Variants in GPC6 observed in about 807,000 individuals in gnomAD.
GPC6 encodes the protein glypican-6.
GPC6 carries 14 observed loss-of-function variants against 55.2 expected under a neutral mutation model. The observed-to-expected ratio is 0.25, with a 90% CI of 0.17 to 0.40. The LOEUF (loss-of-function observed/expected upper bound fraction) is 0.40, where lower values mean the gene tolerates loss of function less well. Ranked by LOEUF, GPC6 falls within the 10% of genes least tolerant of loss-of-function variation. The probability of loss-of-function intolerance (pLI) is 1.00; values close to 1 mark genes in which losing one functional copy is unlikely to be tolerated. For synonymous variants in GPC6, 278 were observed against 259.6 expected, an observed-to-expected ratio of 1.07 and a Z score of -0.68; for missense variants, 641 against 708.5, an observed-to-expected ratio of 0.90 and a Z score of 1.08.
At chr13:94,360,179 A>T (rs532247474) in intron 6 of GPC6, among the ~76,000 whole-genome samples, 1 of 152,360 alleles carries the variant, frequency 6.6e-6, no homozygotes, top group East Asian at 1.9e-4. Flanking sequence ...TTTTAAAGCC[A>T]GGAGGAGTTT....
rs539956956 is a variant in GPC6 at position 93,805,911 on chromosome 13, A to G, written c.320-24243A>G. On this transcript the variant is annotated intron_variant, in intron 2 of 8. Transcript: ENST00000377047. ...AGCTTCTTAGAAAATAAATGAGGCT[A>G]TAAGTCCTCATTTAGCCCTTCTTAG... is the stretch of plus-strand genomic sequence containing the variant. Among the ~76,000 whole-genome samples the G allele has an allele frequency of 2.9e-3, 441 of 152,266 alleles. 1 individual carries two copies. The highest frequency in any genetic ancestry group is 9.6e-3 in the African/African-American group (399 of 41,552).
intron 1 of GPC6, among the ~76,000 whole-genome samples, chr13:93,367,305 A>C (rs1881286370): frequency 6.6e-6 from 1 of 152,042 alleles, no homozygotes. Context: ...GAATATCCCT[A>C]GTTTCATTTT....
chr13:94,139,692 T>C (rs151326705), intron 4 of GPC6, among the ~76,000 whole-genome samples: 112 of 152,336 alleles, frequency 7.4e-4, no homozygotes, highest in African/African-American at 2.5e-3. Flanking sequence ...TTCTGGCTGC[T>C]GCTTTTGCTC....
At chr13:93,987,463 A>C (rs1417133040) in intron 3 of GPC6, among the ~76,000 whole-genome samples, 3 of 152,246 alleles carry the variant, frequency 2.0e-5, no homozygotes, top group Non-Finnish European at 4.4e-5. Context: ...ATGTTATTTA[A>C]CACATCCAGT....
intron 2 of GPC6, among the ~76,000 whole-genome samples, chr13:93,554,124 G>A (rs1314714208): frequency 2.0e-5 from 3 of 150,142 alleles, no homozygotes; most frequent in African/African-American, 7.4e-5. Context: ...CTCCAGCCTG[G>A]GCAACAGAGT....
At position 93,874,247 on chromosome 13, in the gene GPC6, T is replaced by C. The variant is rs1281013662; in HGVS notation, c.711+43702T>C. 2.0e-5 allele frequency among the ~76,000 whole-genome samples: 3 copies of C among 151,832 alleles called. No individual in the cohort carries two copies. The East Asian group carries it at 5.9e-4, about 30-fold the overall frequency. ...GCAGGTTCCATCATTGTTCCTTCTT[T>C]GTGTTCATGTGTTTTATCATTTAGC... On this transcript the variant is annotated intron_variant, in intron 3 of 8. Transcript: ENST00000377047.
intron 2 of GPC6, among the ~76,000 whole-genome samples, chr13:93,578,696 T>C (rs544664745): frequency 3.3e-5 from 5 of 151,966 alleles, no homozygotes; most frequent in African/African-American, 9.6e-5. Flanking sequence ...TCTGCTCTGA[T>C]CTTTATTACT....
intron 4 of GPC6, among the ~76,000 whole-genome samples, chr13:94,033,920 A>C (rs938102892): frequency 6.6e-6 from 1 of 152,210 alleles, no homozygotes; most frequent in African/African-American, 2.4e-5. Context: ...ATTGAGGAAC[A>C]AAAGCCAAAG....
rs1023384170 is a variant in GPC6 at position 93,645,972 on chromosome 13, G to A, written c.319+100551G>A. Among the ~76,000 whole-genome samples the A allele has an allele frequency of 4.6e-5, 7 of 152,192 alleles. No individual in the cohort carries two copies. In the South Asian group the frequency reaches 1.2e-3, roughly 27 times the overall value. On this transcript the variant is annotated intron_variant, in intron 2 of 8. Transcript: ENST00000377047. ...CACAGTTACCAAAGAAAAGGCGCTCGACAGTACTGGGGAAATTATTTCTGT... is the reference window on the plus strand; with the variant it reads ...CACAGTTACCAAAGAAAAGGCGCTCAACAGTACTGGGGAAATTATTTCTGT...
Position 93,830,440 on chromosome 13 carries a change from C to A in GPC6, c.606C>A (p.Asp202Glu). 2 of 1,613,732 alleles carry A rather than the reference C, an allele frequency of 1.2e-6. No individual in the cohort carries two copies. The highest frequency in any genetic ancestry group is 2.7e-5 in the African/African-American group (2 of 74,946). Residue 202 changes from aspartate to glutamate, a missense_variant, in exon 3 of 9, where the codon GAC (aspartate) becomes GAA (glutamate). By Grantham distance (45) the Asp-to-Glu change is conservative (BLOSUM62 2). Transcript: ENST00000377047. The part of the protein sequence containing the change: ...KYTDQLKPFG[D>E]VPRKLKIQVT... The stretch of plus-strand genomic sequence containing the variant: ...CTGACCAGCTCAAGCCATTTGGAGA[C>A]GTGCCCCGGAAACTGAAGATTCAGG...
intron 1 of GPC6, among the ~76,000 whole-genome samples, chr13:93,543,066 A>C (rs1188111398): frequency 6.6e-6 from 1 of 152,140 alleles, no homozygotes; most frequent in East Asian, 1.9e-4. Context: ...ACTATGTTGA[A>C]TAGGAGTGTG....
At chr13:93,331,947 T>A (rs1216989398) in intron 1 of GPC6, among the ~76,000 whole-genome samples, 1 of 152,168 alleles carries the variant, frequency 6.6e-6, no homozygotes, top group Non-Finnish European at 1.5e-5. Context: ...CATATATAAG[T>A]GATAACATGC....
chr13:93,854,673 G>A (rs1260746541), intron 3 of GPC6, among the ~76,000 whole-genome samples: 1 of 151,762 alleles, frequency 6.6e-6, no homozygotes, highest in East Asian at 1.9e-4. Flanking sequence ...TGACTACAGA[G>A]TATTCTTATC....
At chr13:94,351,962 C>CAAAAAAAAAAAAAAAAAAAAGA (rs1878565615) in intron 6 of GPC6, among the ~76,000 whole-genome samples, 1 of 101,550 alleles carries the variant, frequency 9.8e-6, no homozygotes, top group Non-Finnish European at 1.9e-5. Flanking sequence ...GAGAAGAAGG[C>CAAAAAAAAAAAAAAAAAAAAGA]AAAAAAAAAA....
chr13:94,386,252 C>G (rs922838964), intron 7 of GPC6, among the ~76,000 whole-genome samples: 1 of 151,442 alleles, frequency 6.6e-6, no homozygotes, highest in Non-Finnish European at 1.5e-5. Flanking sequence ...CCCAGCTACT[C>G]GGGAGGCTGA....
chr13:93,219,942 T>C, the GPC6 span, among the ~76,000 whole-genome samples: 1 of 152,214 alleles, frequency 6.6e-6, no homozygotes. Context: ...TTCTGCTCCT[T>C]CTGAGCAAGT....
chr13:93,375,015 A>G (rs1874826715), intron 1 of GPC6, among the ~76,000 whole-genome samples: 1 of 152,190 alleles, frequency 6.6e-6, no homozygotes, highest in South Asian at 2.1e-4. Context: ...GTCATTGATA[A>G]GCAGTCAGTT....
intron 2 of GPC6, among the ~76,000 whole-genome samples, chr13:93,785,074 T>C (rs1885779886): frequency 6.6e-6 from 1 of 152,146 alleles, no homozygotes; most frequent in Non-Finnish European, 1.5e-5. Context: ...ACTAAGTCCC[T>C]TAACTAACAA....
At chr13:94,399,382 C>A (rs1004845929) in intron 8 of GPC6, among the ~76,000 whole-genome samples, 2 of 152,210 alleles carry the variant, frequency 1.3e-5, no homozygotes, top group Admixed American at 6.5e-5. Context: ...TGAACATTGA[C>A]ATGAAACTAT....
Sources: gnomAD v4.1 joint callset for allele counts (sites outside exome capture counted in the v4.1 genomes callset) on GRCh38, gnomAD v4.1.1 for gene constraint, MANE v1.5 for transcripts, NCBI Gene and HGNC (gene_info 2026-07-23, HGNC 2026-07-21) for gene names.